EEA1: variants seen among roughly 807,000 people sequenced by gnomAD.
EEA1 encodes the protein early endosome antigen 1, 162kD.
A neutral mutation model predicts 209.2 loss-of-function variants in EEA1; 111 were observed. That is an observed-to-expected ratio of 0.53 (90% CI 0.45 to 0.62). The LOEUF is 0.62. Among genes scored for constraint, EEA1 ranks in the 20% least tolerant of loss-of-function variants. The probability of loss-of-function intolerance (pLI) is 0.00; values close to 1 mark genes in which losing one functional copy is unlikely to be tolerated. For missense variants in EEA1, 1,343 were observed against 1,530.8 expected (o/e 0.88, Z 2.05); for synonymous variants, 536 against 540.6 (o/e 0.99, Z 0.12).
At chr12:92,828,142 C>T (rs1407786600) in intron 11 of EEA1, 81 bp from the exon 12 acceptor site, 2 of 1,134,064 alleles carry the variant, frequency 1.8e-6, no homozygotes, top group Non-Finnish European at 2.3e-6. Flanking sequence ...CAATGTTTTA[C>T]TTTTCACCAA....
intron 10 of EEA1, among the ~76,000 whole-genome samples, chr12:92,833,272 T>TGG: frequency 6.6e-6 from 1 of 152,202 alleles, no homozygotes; most frequent in Admixed American, 6.5e-5. Context: ...AGCACAGCAA[T>TGG]ATCATCCACT....
chr12:92,908,447 T>C (rs1880460554), intron 1 of EEA1, among the ~76,000 whole-genome samples: 1 of 152,198 alleles, frequency 6.6e-6, no homozygotes. Context: ...ATTGTATCTT[T>C]TAAATTACGT....
At chr12:92,928,383 T>C (rs943525922) in intron 1 of EEA1, among the ~76,000 whole-genome samples, 10 of 152,184 alleles carry the variant, frequency 6.6e-5, no homozygotes, top group Admixed American at 2.6e-4. Context: ...TATTCTTGGA[T>C]AGCTAAAATA....
chr12:92,791,980 C>A (rs954494138), intron 21 of EEA1, among the ~76,000 whole-genome samples: 1 of 152,092 alleles, frequency 6.6e-6, no homozygotes, highest in Admixed American at 6.5e-5. Context: ...CACTGAAAAC[C>A]GCAGAACTAC....
rs1565802758 is a variant in EEA1 at position 92,775,893 on chromosome 12, T to C, written c.*118A>G. On this transcript the variant is annotated 3_prime_UTR_variant, in exon 29 of 29. Transcript: ENST00000322349. ...TAACATTCCAAAATATACTAATTCC[T>C]ATTTGGTCTAGTATTGCAACCAGTG... is the stretch of plus-strand genomic sequence containing the variant. 2.1e-6 allele frequency: 2 copies of C among 974,816 alleles called. No individual in the cohort carries two copies. Among genetic ancestry groups the C allele is most frequent in the Non-Finnish European group, 2.8e-6 (2 of 706,378 alleles). 60.4% of individuals were successfully genotyped at this position (974,816 alleles called of 1,614,324 possible).
At chr12:92,879,317 T>C in intron 2 of EEA1, 1 of 445,556 alleles carries the variant, frequency 2.2e-6, no homozygotes, top group South Asian at 1.6e-5. Flanking sequence ...AAGTTTGGAA[T>C]TTTGCAGCAT....
Position 92,891,668 on chromosome 12 carries a change from AG to A in EEA1, c.77del (p.Pro26LeufsTer2). 1 of 1,611,808 alleles carries A rather than the reference AG, an allele frequency of 6.2e-7. No individual in the cohort carries two copies. Among genetic ancestry groups the A allele is most frequent in the Non-Finnish European group, 8.5e-7 (1 of 1,179,380 alleles). Reference protein sequence around the residue: ...QGSDLDSSATPINTVDVNNES... With the variant: ...QGSDLDSSATXINTVDVNNES... ...CATTATTGACGTCCACTGTGTTTAT[AG>A]GAGTTGCTGATGAATCTAAATCAGA... On this transcript the variant is annotated frameshift_variant, in exon 2 of 29. Transcript: ENST00000322349. LOFTEE classifies it high-confidence loss of function.
At chr12:92,900,864 T>C (rs565532396) in intron 1 of EEA1, among the ~76,000 whole-genome samples, 1 of 152,290 alleles carries the variant, frequency 6.6e-6, no homozygotes, top group African/African-American at 2.4e-5. Context: ...AGACAGGGTT[T>C]CACCATGTTG....
chr12:92,805,125 A>C (rs1875137937), intron 18 of EEA1, among the ~76,000 whole-genome samples: 1 of 152,186 alleles, frequency 6.6e-6, no homozygotes, highest in Non-Finnish European at 1.5e-5. Flanking sequence ...ACAGAACAAA[A>C]GCCATCTCGG....
chr12:92,890,385 G>A (rs1193185225), intron 2 of EEA1, among the ~76,000 whole-genome samples: 1 of 152,024 alleles, frequency 6.6e-6, no homozygotes, highest in African/African-American at 2.4e-5. Flanking sequence ...AAACAGGTAT[G>A]GTATAGGTAT....
chr12:92,814,082 C>T (rs1875661100), intron 15 of EEA1, among the ~76,000 whole-genome samples: 3 of 152,020 alleles, frequency 2.0e-5, no homozygotes, highest in Admixed American at 2.0e-4. Context: ...TTAAAATTAA[C>T]ATATTTTGAG....
At chr12:92,791,060 G>A (rs909387448) in intron 21 of EEA1, among the ~76,000 whole-genome samples, 1 of 152,146 alleles carries the variant, frequency 6.6e-6, no homozygotes, top group African/African-American at 2.4e-5. Flanking sequence ...ATCCTTTACA[G>A]ATGAGCAAAT....
At chr12:92,816,475 C>A in intron 14 of EEA1, 75 bp from the exon 15 acceptor site, 1 of 1,388,780 alleles carries the variant, frequency 7.2e-7, no homozygotes, top group Non-Finnish European at 1.0e-6. Context: ...ATTTAAGAAC[C>A]ATGAGAATAT....
chr12:92,803,256 G>A (rs997867067), intron 18 of EEA1, among the ~76,000 whole-genome samples: 2 of 151,904 alleles, frequency 1.3e-5, no homozygotes, highest in Admixed American at 1.3e-4. Flanking sequence ...ACAATATAGA[G>A]GGAAGACAAA....
intron 11 of EEA1, among the ~76,000 whole-genome samples, chr12:92,828,981 A>G (rs1405864916): frequency 6.6e-6 from 1 of 152,244 alleles, no homozygotes; most frequent in East Asian, 1.9e-4. Flanking sequence ...AAACTCTTCC[A>G]ATTTCCCATA....
Position 92,812,950 on chromosome 12 carries a change from G to A in EEA1, c.2043+30C>T, listed in dbSNP as rs145415529. The A allele has an allele frequency of 3.6e-3, 5,174 of 1,439,396 alleles. 50 individuals carry two copies. Among genetic ancestry groups the A allele is most frequent in the South Asian group, 0.018 (1,410 of 78,144 alleles). 89.2% of individuals were successfully genotyped at this position (1,439,396 alleles called of 1,614,324 possible). ...TTATTTATCTACCAAAGCACTAGGT[G>A]ATAGTATGAAATTGCATCTGTTTCC... is the stretch of plus-strand genomic sequence containing the variant. On this transcript the variant is annotated intron_variant, in intron 16 of 28. Coordinates refer to ENST00000322349, the MANE Select transcript of EEA1 (RefSeq NM_003566.4).
chr12:92,798,935 A>G lies in EEA1; in HGVS notation c.2924T>C (p.Ile975Thr), dbSNP rs768297121. 1 of 1,611,134 alleles carries G rather than the reference A, an allele frequency of 6.2e-7. No homozygotes were observed. The change falls in exon 21 of 29, where the codon ATT (isoleucine) becomes ACT (threonine). Residue 975 changes from isoleucine to threonine, a missense_variant. This residue lies in a region of EEA1 where 1,307 missense variants were observed against 1,465.5 expected (regional missense o/e 0.89). Transcript: ENST00000322349. ...TTTAAGCTCTCCTTGGAGTGCTTCAATTTGTTTTTTCTTCTGTTCACTTGA... is the reference window on the plus strand; with the variant it reads ...TTTAAGCTCTCCTTGGAGTGCTTCAGTTTGTTTTTTCTTCTGTTCACTTGA... ...KQSSEQKKKQ[I>T]EALQGELKIA...
intron 2 of EEA1, 65 bp from the exon 3 acceptor site, chr12:92,865,052 A>G (rs547449289): frequency 4.7e-6 from 6 of 1,269,900 alleles, no homozygotes; most frequent in Non-Finnish European, 6.4e-6. Context: ...CAATTTGCAT[A>G]TTATTAAATA....
At chr12:92,831,681 T>C (rs1407472922) in intron 11 of EEA1, among the ~76,000 whole-genome samples, 2 of 147,368 alleles carry the variant, frequency 1.4e-5, no homozygotes, top group African/African-American at 2.5e-5. Context: ...ATTCATATAT[T>C]ATTTACCTAT....
Sources: gnomAD v4.1 joint callset for allele counts (sites outside exome capture counted in the v4.1 genomes callset) on GRCh38, gnomAD v4.1.1 for gene constraint, gnomAD v4.1.1 regional missense constraint, MANE v1.5 for transcripts, NCBI Gene and HGNC (gene_info 2026-07-23, HGNC 2026-07-21) for gene names.